The following LY96 variants were observed in gnomAD, a reference collection of about 807,000 sequenced individuals.
The protein encoded by LY96 is myeloid differentiation protein-2.
In LY96, 18 loss-of-function variants were observed where a neutral mutation model predicts 18.9. That is an observed-to-expected ratio of 0.95 (90% CI 0.66 to 1.41). LY96 has a LOEUF of 1.41. LY96 is among the 40% of genes most tolerant of loss of function. The pLI is 0.00. For missense variants in LY96, 175 were observed against 182.4 expected, an observed-to-expected ratio of 0.96 and a Z score of 0.23; for synonymous variants, 66 against 62.6, an observed-to-expected ratio of 1.06 and a Z score of -0.26.
At chr8:73,997,146 C>T (rs937955498) in intron 1 of LY96, among the ~76,000 whole-genome samples, 3 of 152,230 alleles carry the variant, frequency 2.0e-5, no homozygotes, top group Admixed American at 6.5e-5. Flanking sequence ...CATGAGCCAC[C>T]GTGTCCGGCC....
At chr8:74,078,232 T>G in the LY96 span, among the ~76,000 whole-genome samples, 7 of 152,330 alleles carry the variant, frequency 4.6e-5, no homozygotes, top group Admixed American at 2.6e-4. Context: ...TATGAAGATC[T>G]GCCCTGGAGA....
the LY96 span, among the ~76,000 whole-genome samples, chr8:74,052,933 G>T: frequency 6.6e-6 from 1 of 152,186 alleles, no homozygotes; most frequent in South Asian, 2.1e-4. Flanking sequence ...TTTTTGAAAA[G>T]AAGGGGTAAA....
chr8:74,028,468 A>C lies in LY96; in HGVS notation c.385-488A>C, dbSNP rs187858692. Among the ~76,000 whole-genome samples, 679 of 152,312 alleles carry C rather than the reference A, an allele frequency of 4.5e-3. 2 individuals are homozygous for C. The highest frequency in any genetic ancestry group is 5.4e-3 in the Non-Finnish European group (364 of 68,016). On this transcript the variant is annotated intron_variant, in intron 4 of 4. Transcript: ENST00000284818. ...TAACTATTCATGTAAATATAATGTG[A>C]ACATTGTTTAGGAGAATAAAAATCA...
intron 1 of LY96, among the ~76,000 whole-genome samples, chr8:73,995,802 G>A (rs930258115): frequency 6.6e-5 from 10 of 152,094 alleles, no homozygotes; most frequent in African/African-American, 2.4e-4. Flanking sequence ...TATTCTCTGA[G>A]CATTTAGCAT....
At chr8:74,073,321 G>A in the LY96 span, among the ~76,000 whole-genome samples, 2 of 152,202 alleles carry the variant, frequency 1.3e-5, no homozygotes, top group African/African-American at 2.4e-5. Context: ...ATCAACAGAT[G>A]TATGTGAGGG....
At chr8:74,077,444 C>T in the LY96 span, among the ~76,000 whole-genome samples, 1 of 152,134 alleles carries the variant, frequency 6.6e-6, no homozygotes, top group Non-Finnish European at 1.5e-5. Context: ...ATGTAAGATA[C>T]CGTCCTTTGT....
chr8:74,004,963 A>G lies in LY96; in HGVS notation c.202+78A>G. 3 of 1,451,590 alleles carry G rather than the reference A, an allele frequency of 2.1e-6. No homozygotes were observed. In the South Asian group the frequency reaches 3.5e-5, roughly 17 times the overall value. The allele number at this position is 1,451,590 out of a possible 1,614,324, so 89.9% of individuals were successfully genotyped here. A position where few individuals can be genotyped will look rare whatever the true frequency, so the allele number is the denominator to read the frequency against. ...AGTGATAAATGATTGTGTTTCAAAT[A>G]TACTTGTATTCGTTATCTATTGCTA... On this transcript the variant is annotated intron_variant, in intron 2 of 4. Transcript: ENST00000284818.
At chr8:74,088,089 AGAAT>A in the LY96 span, among the ~76,000 whole-genome samples, 3 of 88,970 alleles carry the variant, frequency 3.4e-5, no homozygotes, top group Non-Finnish European at 7.4e-5. Context: ...AGAGAAGAAT[AGAAT>A]AGAATAGAAT....
the LY96 span, among the ~76,000 whole-genome samples, chr8:74,065,301 G>C: frequency 6.6e-6 from 1 of 152,166 alleles, no homozygotes; most frequent in Non-Finnish European, 1.5e-5. Flanking sequence ...TTTTGAGACT[G>C]TTTCCCAGGT....
the LY96 span, among the ~76,000 whole-genome samples, chr8:74,059,517 G>T: frequency 6.6e-6 from 1 of 152,186 alleles, no homozygotes; most frequent in Non-Finnish European, 1.5e-5. Context: ...TCTGGGAACA[G>T]ATTATATTTA....
chr8:74,014,394 G>T (rs78479016), intron 3 of LY96, among the ~76,000 whole-genome samples: 11 of 112,870 alleles, frequency 9.7e-5, no homozygotes, highest in Non-Finnish European at 1.9e-4. Context: ...AAAAAAAAAA[G>T]AAAAAAAAAA....
At chr8:74,087,639 G>A in the LY96 span, among the ~76,000 whole-genome samples, 1 of 152,198 alleles carries the variant, frequency 6.6e-6, no homozygotes, top group Non-Finnish European at 1.5e-5. Flanking sequence ...TGCTTGGGGA[G>A]TTTTTGTTTC....
chr8:74,009,741 C>T (rs2131267955), intron 2 of LY96, among the ~76,000 whole-genome samples: 1 of 152,192 alleles, frequency 6.6e-6, no homozygotes, highest in Non-Finnish European at 1.5e-5. Flanking sequence ...TATGAAGGCT[C>T]TTCTGTTTTT....
At chr8:74,041,742 G>T in the LY96 span, among the ~76,000 whole-genome samples, 6 of 152,306 alleles carry the variant, frequency 3.9e-5, no homozygotes, top group Admixed American at 1.3e-4. Context: ...GGTCAGACCG[G>T]TTCTCTGCTC....
At chr8:74,049,928 G>A in the LY96 span, among the ~76,000 whole-genome samples, 1 of 152,190 alleles carries the variant, frequency 6.6e-6, no homozygotes, top group Non-Finnish European at 1.5e-5. Flanking sequence ...TGAGGCAGGA[G>A]GGTGGCTTGA....
the LY96 span, among the ~76,000 whole-genome samples, chr8:74,060,756 C>T: frequency 6.6e-6 from 1 of 152,140 alleles, no homozygotes; most frequent in Non-Finnish European, 1.5e-5. Flanking sequence ...ACTCCTTGCC[C>T]TCAAGTTTTC....
intron 3 of LY96, among the ~76,000 whole-genome samples, chr8:74,011,582 T>G (rs1195765577): frequency 6.6e-6 from 1 of 152,148 alleles, no homozygotes; most frequent in East Asian, 1.9e-4. Flanking sequence ...GAAGAGTGGC[T>G]AGGCGCAGTG....
chr8:74,030,078 A>T (rs1816944880), downstream of LY96, among the ~76,000 whole-genome samples: 1 of 152,232 alleles, frequency 6.6e-6, no homozygotes, highest in Non-Finnish European at 1.5e-5. Flanking sequence ...TAGAGAGTTT[A>T]TTTGGGCCAA....
intron 1 of LY96, among the ~76,000 whole-genome samples, chr8:73,996,516 C>T (rs1816150499): frequency 6.6e-6 from 1 of 151,534 alleles, no homozygotes; most frequent in Non-Finnish European, 1.5e-5. Flanking sequence ...CTCCCAGGTT[C>T]AAGCGATTTT....
Sources: allele counts gnomAD v4.1 joint callset (sites outside exome capture counted in the v4.1 genomes callset), GRCh38; gene constraint gnomAD v4.1.1; transcripts MANE v1.5; gene names NCBI Gene and HGNC (gene_info 2026-07-23, HGNC 2026-07-21).